The following APC variants were observed in gnomAD, a reference collection of about 807,000 sequenced individuals.
The protein encoded by APC is APC regulator of Wnt signaling pathway.
In APC, 72 loss-of-function variants were observed where a neutral mutation model predicts 247.0. That is an observed-to-expected ratio of 0.29 (90% confidence interval 0.24 to 0.35). The LOEUF (loss-of-function observed/expected upper bound fraction) is 0.35. Ranked by LOEUF, APC falls within the 10% of genes least tolerant of loss-of-function variation. The pLI, the probability that APC is intolerant of heterozygous loss-of-function variation, is 1.00. For missense variants in APC, 3,400 were observed against 3,360.7 expected (o/e 1.01, Z -0.29); for synonymous variants, 1,254 against 1,162.5 (o/e 1.08, Z -1.60).
rs377494451 is a variant in APC at position 112,839,470 on chromosome 5, G to A, written c.3876G>A (p.Thr1292=). The change falls in exon 16 of 16, where the codon ACG becomes ACA. Residue 1292 remains threonine (T), a synonymous_variant. Transcript: ENST00000257430. The surrounding 1 kb of genome is among the most constrained non-coding windows in gnomAD (Gnocchi z 5.0). The part of the protein sequence containing the change: ...SAEDEIGCNQ[T]TQEADSANTL... ...AAGATGAAATAGGATGTAATCAGAC[G>A]ACACAGGAAGCAGATTCTGCTAATA... The A allele has an allele frequency of 9.3e-6, 15 of 1,613,970 alleles. No individual in the cohort carries two copies. The highest frequency in any genetic ancestry group is 4.0e-5 in the African/African-American group (3 of 74,912).
At position 112,825,845 on chromosome 5, in the gene APC, A is replaced by G. The variant is rs1352551507; in HGVS notation, c.1409-1263A>G. The stretch of plus-strand genomic sequence containing the variant: ...CCCTGTGGTTCTACATAGTTCATCT[A>G]TCTTTGCTCCAATCTGTACGCTCTT... On this transcript the variant is annotated intron_variant, in intron 11 of 15. Coordinates refer to ENST00000257430, the MANE Select transcript of APC (RefSeq NM_000038.6). Among the ~76,000 whole-genome samples the G allele has an allele frequency of 3.9e-5, 6 of 152,186 alleles. No individual in the cohort carries two copies. The South Asian group carries it at 1.0e-3, about 26-fold the overall frequency.
At chr5:112,790,333 T>A (rs1254814458) in intron 6 of APC, among the ~76,000 whole-genome samples, 4 of 151,804 alleles carry the variant, frequency 2.6e-5, no homozygotes, top group Non-Finnish European at 5.9e-5. Context: ...GGGGTTGTTT[T>A]TGTTTTTGTT....
intron 7 of APC, among the ~76,000 whole-genome samples, chr5:112,800,280 A>G (rs1249351467): frequency 3.3e-5 from 5 of 152,290 alleles, no homozygotes; most frequent in Middle Eastern, 3.4e-3. Context: ...TTATGTATGT[A>G]TATCTATTCT....
intron 14 of APC, among the ~76,000 whole-genome samples, chr5:112,834,573 A>G (rs1319437094): frequency 4.7e-5 from 7 of 149,732 alleles, no homozygotes; most frequent in Admixed American, 4.6e-4. Context: ...CTTCCTGTTC[A>G]CTTTTTTTTT....
intron 1 of APC, among the ~76,000 whole-genome samples, chr5:112,712,288 T>C (rs1750899939): frequency 6.6e-6 from 1 of 152,208 alleles, no homozygotes; most frequent in African/African-American, 2.4e-5. Context: ...CTCCTGTATA[T>C]GTCTATCTTA....
chr5:112,710,914 G>A (rs1300127540), intron 1 of APC, among the ~76,000 whole-genome samples: 1 of 152,222 alleles, frequency 6.6e-6, no homozygotes, highest in African/African-American at 2.4e-5. Flanking sequence ...ACATTGTAGA[G>A]TTCTTACTAA....
Position 112,841,448 on chromosome 5 carries a change from C to G in APC, c.5854C>G (p.Gln1952Glu), listed in dbSNP as rs1166934042. The G allele has an allele frequency of 1.2e-6, 2 of 1,613,846 alleles. No individual in the cohort carries two copies. Among genetic ancestry groups the G allele is most frequent in the African/African-American group, 2.7e-5 (2 of 74,914 alleles). The change falls in exon 16 of 16, where the codon CAG becomes GAG. Residue 1952 changes from glutamine to glutamate, a missense_variant. This residue lies in a region of APC where 1,788 missense variants were observed against 1,649.5 expected (regional missense o/e 1.08). Transcript: ENST00000257430. The surrounding 1 kb of genome is among the most constrained non-coding windows in gnomAD (Gnocchi z 4.6). ...AGGGGCAGCAACTGATGAAAAGTTA[C>G]AGAATTTTGCTATTGAAAATACTCC... ...DRGAATDEKL[Q>E]NFAIENTPVC...
In APC at chr5:112,716,879, A is replaced by G. The variant is rs148220649; in HGVS notation, c.165+8997A>G. The stretch of plus-strand genomic sequence containing the variant: ...TATTATAGTTTGATCTTCTTTTACT[A>G]GTTATTCTAGAAATTGCTATCTATC... On this transcript the variant is annotated intron_variant, in intron 1 of 13. Transcript: ENST00000507379. Among the ~76,000 whole-genome samples, 567 of 152,312 alleles carry G rather than the reference A, an allele frequency of 3.7e-3. 4 individuals carry two copies. The highest frequency in any genetic ancestry group is 0.013 in the African/African-American group (551 of 41,572).
chr5:112,770,190 G>T (rs1471749920), intron 4 of APC, among the ~76,000 whole-genome samples: 3 of 152,158 alleles, frequency 2.0e-5, no homozygotes, highest in African/African-American at 4.8e-5. Context: ...AAGTGGTAAG[G>T]AATACTTGTA....
At chr5:112,759,375 T>C (rs1755391456) in intron 2 of APC, among the ~76,000 whole-genome samples, 2 of 149,112 alleles carry the variant, frequency 1.3e-5, no homozygotes, top group Non-Finnish European at 3.0e-5. Flanking sequence ...TTTTTTTTTT[T>C]TGAGACCGAG....
In APC at chr5:112,838,803, A is replaced by T. The variant is rs1315959337; in HGVS notation, c.3209A>T (p.Asn1070Ile). 1 of 1,614,202 alleles carries T rather than the reference A, an allele frequency of 6.2e-7. No individual in the cohort carries two copies. The highest frequency in any genetic ancestry group is 8.5e-7 in the Non-Finnish European group (1 of 1,180,032). ...CAAAGTGAGCAAAGACAATCAAGGA[A>T]TCAAAGTACAACTTATCCTGTTTAT... is the stretch of plus-strand genomic sequence containing the variant. The part of the protein sequence containing the change: ...IKQSEQRQSR[N>I]QSTTYPVYTE... Residue 1070 changes from asparagine (N) to isoleucine (I), a missense_variant, in exon 16 of 16, where the codon AAT (asparagine) becomes ATT (isoleucine). Asn to Ile is a moderately radical substitution (Grantham distance 149, BLOSUM62 -3). Coordinates refer to ENST00000257430, the MANE Select transcript of APC (RefSeq NM_000038.6).
At chr5:112,792,138 C>T (rs755300813) in intron 6 of APC, among the ~76,000 whole-genome samples, 6 of 151,934 alleles carry the variant, frequency 3.9e-5, no homozygotes, top group African/African-American at 1.5e-4. Flanking sequence ...CCCAGCTACT[C>T]GGGAGCCTGA....
intron 7 of APC, 147 bp downstream of exon 7, chr5:112,792,676 A>AACAAGAAACC: frequency 1.5e-6 from 1 of 647,970 alleles, no homozygotes. Flanking sequence ...GTGAAATTAA[A>AACAAGAAACC]TTATCAAAGA....
At position 112,842,388 on chromosome 5, in the gene APC, A is replaced by T. The variant is rs864622560; in HGVS notation, c.6794A>T (p.Gln2265Leu). The T allele has an allele frequency of 1.9e-6, 3 of 1,613,984 alleles. No homozygotes were observed. The highest frequency in any genetic ancestry group is 2.7e-5 in the African/African-American group (2 of 74,918). Residue 2265 changes from glutamine (Q) to leucine (L), a missense_variant, in exon 16 of 16, where the codon CAA becomes CTA. Around this residue, in one of 9 missense-constraint regions of APC, gnomAD observed 1,788 missense variants for 1,649.5 expected, o/e 1.08. Coordinates refer to ENST00000257430, the MANE Select transcript of APC (RefSeq NM_000038.6). ...GCCTCCAAAAGCCCTAGTGAAGGTC[A>T]AACAGCCACCACTTCTCCTAGAGGA... ...TPASKSPSEG[Q>L]TATTSPRGAK...
rs1057520603 is a variant in APC, at chr5:112,754,936, C to T, written c.46C>T (p.Leu16=). The T allele has an allele frequency of 6.2e-7, 1 of 1,613,820 alleles. No homozygotes were observed. Among genetic ancestry groups the T allele is most frequent in the Admixed American group, 1.7e-5 (1 of 60,006 alleles). Residue 16 remains leucine (L), a synonymous_variant, in exon 2 of 16, where the codon CTG becomes TTG. Coordinates refer to ENST00000257430, the MANE Select transcript of APC (RefSeq NM_000038.6). ...YDQLLKQVEA[L]KMENSNLRQE... is the part of the protein sequence containing the mutation. ...TCAGTTGTTAAAGCAAGTTGAGGCA[C>T]TGAAGATGGAGAACTCAAATCTTCG...
rs1580682547 is a variant in APC at position 112,843,025 on chromosome 5, C to T, written c.7431C>T (p.Ser2477=). Residue 2477 remains serine (S), a synonymous_variant, in exon 16 of 16, where the codon TCC becomes TCT. Coordinates refer to ENST00000257430, the MANE Select transcript of APC (RefSeq NM_000038.6). This position sits in a 1 kb window ranked among gnomAD's most constrained non-coding sequence, Gnocchi z 4.8. ...PSSRPASPTR[S]QAQTPVLSPS... Reference sequence around the variant, plus strand: ...CTAGACCAGCTTCTCCCACTAGGTCCCAGGCACAAACTCCAGTTTTAAGTC... The same window carrying T: ...CTAGACCAGCTTCTCCCACTAGGTCTCAGGCACAAACTCCAGTTTTAAGTC... The T allele has an allele frequency of 2.5e-6, 4 of 1,613,892 alleles. No individual in the cohort carries two copies. Among genetic ancestry groups the T allele is most frequent in the Non-Finnish European group, 3.4e-6 (4 of 1,179,820 alleles).
At chr5:112,753,473 G>T (rs1273021768) in intron 1 of APC, among the ~76,000 whole-genome samples, 1 of 152,084 alleles carries the variant, frequency 6.6e-6, no homozygotes, top group African/African-American at 2.4e-5. Flanking sequence ...GAAGCAGATT[G>T]TAAGTGTTCA....
At chr5:112,718,362 T>G (rs1414712969) in intron 1 of APC, among the ~76,000 whole-genome samples, 1 of 152,214 alleles carries the variant, frequency 6.6e-6, no homozygotes, top group African/African-American at 2.4e-5. Flanking sequence ...TAATGAAATT[T>G]CAAATCTTTA....
chr5:112,754,950 C>T lies in APC; in HGVS notation c.60C>T (p.Asn20=), dbSNP rs780155240. The change falls in exon 2 of 16, where the codon AAC becomes AAT. Residue 20 remains asparagine, a synonymous_variant. Coordinates refer to ENST00000257430, the MANE Select transcript of APC (RefSeq NM_000038.6). The stretch of plus-strand genomic sequence containing the variant: ...AAGTTGAGGCACTGAAGATGGAGAA[C>T]TCAAATCTTCGACAAGAGCTAGAAG... The part of the protein sequence containing the change: ...LKQVEALKME[N]SNLRQELEDN... 9.3e-6 allele frequency: 15 copies of T among 1,613,728 alleles called. No homozygotes were observed. The highest frequency in any genetic ancestry group is 1.3e-5 in the Non-Finnish European group (15 of 1,179,760).
Sources: gnomAD v4.1 joint callset for allele counts (sites outside exome capture counted in the v4.1 genomes callset) on GRCh38, gnomAD v4.1.1 for gene constraint, gnomAD v4.1.1 regional missense constraint, Gnocchi (gnomAD v3.1) non-coding constraint, MANE v1.5 for transcripts, NCBI Gene and HGNC (gene_info 2026-07-23, HGNC 2026-07-21) for gene names.